The following BCAS3 variants were observed in gnomAD, a reference collection of about 807,000 sequenced individuals.
The protein encoded by BCAS3 is BCAS4/BCAS3 fusion.
BCAS3 carries 53 observed loss-of-function variants against 116.1 expected under a neutral mutation model. The observed-to-expected ratio is 0.46, with a 90% CI of 0.37 to 0.57. The LOEUF (loss-of-function observed/expected upper bound fraction) is 0.57. Ranked by LOEUF, BCAS3 falls within the 20% of genes least tolerant of loss-of-function variation. BCAS3 has a pLI of 0.00. For missense variants in BCAS3, 917 were observed against 1,165.4 expected (o/e 0.79, Z 3.10); for synonymous variants, 391 against 408.2 (o/e 0.96, Z 0.51).
At chr17:60,947,112 A>G (rs183554052) in intron 13 of BCAS3, 107 bp from the exon 14 acceptor site, 330 of 1,155,924 alleles carry the variant, frequency 2.9e-4, no homozygotes, top group Admixed American at 5.1e-4. Flanking sequence ...AGCCTTGGTA[A>G]TTTTTTTCCC....
At chr17:61,109,787 G>A (rs867514628) in intron 22 of BCAS3, among the ~76,000 whole-genome samples, 1 of 152,134 alleles carries the variant, frequency 6.6e-6, no homozygotes, top group Non-Finnish European at 1.5e-5. Flanking sequence ...TGATGTGATT[G>A]TTTGGGTTTG....
intron 22 of BCAS3, among the ~76,000 whole-genome samples, chr17:61,246,970 G>T (rs1032082595): frequency 6.6e-6 from 1 of 152,042 alleles, no homozygotes; most frequent in Non-Finnish European, 1.5e-5. Flanking sequence ...CTTTAGTACC[G>T]AAATTAACTT....
At position 61,347,910 on chromosome 17, in the gene BCAS3, T is replaced by C. The variant is rs888456726; in HGVS notation, c.2426-20417T>C. Reference sequence around the variant, plus strand: ...AAGGTGGGGTGTAGCGTTCAGAGTCTGGAAAGCTGCTAGAGGCCAGATGAT... The same window carrying C: ...AAGGTGGGGTGTAGCGTTCAGAGTCCGGAAAGCTGCTAGAGGCCAGATGAT... On this transcript the variant is annotated intron_variant, in intron 22 of 23. Coordinates refer to ENST00000407086, the MANE Select transcript of BCAS3 (RefSeq NM_017679.5). This position sits in a 1 kb window ranked among gnomAD's most constrained non-coding sequence, Gnocchi z 4.3. Among the ~76,000 whole-genome samples, 1 of 152,156 alleles carries C rather than the reference T, an allele frequency of 6.6e-6. No individual in the cohort carries two copies. The highest frequency in any genetic ancestry group is 2.4e-5 in the African/African-American group (1 of 41,438).
chr17:61,388,602 C>G lies in BCAS3; in HGVS notation c.2594-3375C>G. 1 of 1,531,194 alleles carries G rather than the reference C, an allele frequency of 6.5e-7. No homozygotes were observed. Among genetic ancestry groups the G allele is most frequent in the South Asian group, 1.2e-5 (1 of 83,092 alleles). The allele number at this position is 1,531,194 out of a possible 1,614,324, so 94.9% of individuals were successfully genotyped here. On this transcript the variant is annotated intron_variant, in intron 23 of 23. Transcript: ENST00000407086. The surrounding 1 kb of genome is among the most constrained non-coding windows in gnomAD (Gnocchi z 6.5). ...TCTTTTCCAAAAAGATTCCTCAATG[C>G]TTTTCTTTTCAAAAGGGAAAAAAAA... is the stretch of plus-strand genomic sequence containing the variant.
chr17:60,783,535 T>C (rs60679947), intron 6 of BCAS3, among the ~76,000 whole-genome samples: 6,755 of 152,272 alleles, frequency 0.044, 485 homozygotes, highest in African/African-American at 0.15. Context: ...TGGTAGACTA[T>C]GTCTGTGTGT....
At chr17:61,218,949 C>A (rs1391028298) in intron 22 of BCAS3, among the ~76,000 whole-genome samples, 3 of 152,174 alleles carry the variant, frequency 2.0e-5, no homozygotes, top group African/African-American at 7.2e-5. Context: ...ATCTGTGCTT[C>A]TAAAGTAATT....
At chr17:61,119,766 G>C (rs2075688325) in intron 22 of BCAS3, among the ~76,000 whole-genome samples, 1 of 151,908 alleles carries the variant, frequency 6.6e-6, no homozygotes, top group South Asian at 2.1e-4. Flanking sequence ...GAAAATTCAA[G>C]AGCATTATCT....
intron 6 of BCAS3, among the ~76,000 whole-genome samples, chr17:60,775,813 T>C (rs549997685): frequency 1.1e-3 from 170 of 152,276 alleles, no homozygotes; most frequent in African/African-American, 4.0e-3. Flanking sequence ...TATAAGTAAA[T>C]GAAAGTTTTT....
At chr17:61,335,450 C>G (rs564622702) in intron 22 of BCAS3, among the ~76,000 whole-genome samples, 1 of 152,210 alleles carries the variant, frequency 6.6e-6, no homozygotes, top group African/African-American at 2.4e-5. Context: ...GCAATGACGC[C>G]AAGATGCCCT....
intron 19 of BCAS3, among the ~76,000 whole-genome samples, chr17:61,060,230 C>T (rs2069849415): frequency 6.6e-6 from 1 of 151,788 alleles, no homozygotes; most frequent in South Asian, 2.1e-4. Context: ...AGGTTCACGC[C>T]ATTCTCCTGC....
intron 23 of BCAS3, among the ~76,000 whole-genome samples, chr17:61,369,530 C>G (rs1247698066): frequency 6.6e-6 from 1 of 152,246 alleles, no homozygotes; most frequent in Non-Finnish European, 1.5e-5. Flanking sequence ...CACAGTCCCA[C>G]TTCCCCGTGG....
At position 61,378,566 on chromosome 17, in the gene BCAS3, T is replaced by C. The variant is rs1012057990; in HGVS notation, c.2593+10072T>C. 1 of 152,246 alleles carries C rather than the reference T, an allele frequency of 6.6e-6. No homozygotes were observed. The highest frequency in any genetic ancestry group is 1.5e-5 in the Non-Finnish European group (1 of 68,068). The allele number at this position is 152,246 out of a possible 1,614,324, so 9.4% of individuals were successfully genotyped here. A position where few individuals can be genotyped will look rare whatever the true frequency, so the allele number is the denominator to read the frequency against. On this transcript the variant is annotated intron_variant, in intron 23 of 23. Transcript: ENST00000407086. This position sits in a 1 kb window ranked among gnomAD's most constrained non-coding sequence, Gnocchi z 5.8. ...TACTCCCACGAGTGTCTTGACCCACTACTGGTTCTTTGAACTGAGTCTGAA... is the reference window on the plus strand; with the variant it reads ...TACTCCCACGAGTGTCTTGACCCACCACTGGTTCTTTGAACTGAGTCTGAA...
intron 7 of BCAS3, among the ~76,000 whole-genome samples, chr17:60,865,158 A>G (rs2054488027): frequency 6.6e-6 from 1 of 152,174 alleles, no homozygotes; most frequent in Admixed American, 6.6e-5. Flanking sequence ...GCTTCAGTCA[A>G]CTTGCTTGAC....
intron 5 of BCAS3, among the ~76,000 whole-genome samples, chr17:60,734,534 A>G (rs2040777662): frequency 6.6e-6 from 1 of 152,196 alleles, no homozygotes. Flanking sequence ...GTCTACATTC[A>G]TTTTATTGCA....
At chr17:60,916,083 A>AT (rs1185591765) in intron 12 of BCAS3, among the ~76,000 whole-genome samples, 2 of 152,072 alleles carry the variant, frequency 1.3e-5, no homozygotes, top group African/African-American at 4.8e-5. Context: ...TGTTTCTAGC[A>AT]TTTTTCTATT....
intron 6 of BCAS3, among the ~76,000 whole-genome samples, chr17:60,780,904 A>G (rs1279321767): frequency 6.6e-6 from 1 of 152,166 alleles, no homozygotes; most frequent in Non-Finnish European, 1.5e-5. Flanking sequence ...ATGTACATAC[A>G]GATATTTAAA....
rs2082281232 is a variant in BCAS3 at position 61,224,623 on chromosome 17, T to A, written c.2425+140059T>A. Reference sequence around the variant, plus strand: ...CTGGAGTCAACTGGTTTGTTGGGATTTGCATCTTGCATCCACCACTTCTTA... The same window carrying A: ...CTGGAGTCAACTGGTTTGTTGGGATATGCATCTTGCATCCACCACTTCTTA... On this transcript the variant is annotated intron_variant, in intron 22 of 23. Coordinates refer to ENST00000407086, the MANE Select transcript of BCAS3 (RefSeq NM_017679.5). This position sits in a 1 kb window ranked among gnomAD's most constrained non-coding sequence, Gnocchi z 5.7. 6.6e-6 allele frequency among the ~76,000 whole-genome samples: 1 copy of A among 152,198 alleles called. No homozygotes were observed. The highest frequency in any genetic ancestry group is 2.1e-4 in the South Asian group (1 of 4,828).
intron 22 of BCAS3, among the ~76,000 whole-genome samples, chr17:61,317,223 C>G (rs2054821650): frequency 1.3e-5 from 2 of 152,160 alleles, no homozygotes; most frequent in Admixed American, 6.5e-5. Context: ...GACTCCTGCT[C>G]CACGTCTTCT....
At chr17:60,866,855 T>G (rs2144879523) in intron 7 of BCAS3, among the ~76,000 whole-genome samples, 1 of 152,264 alleles carries the variant, frequency 6.6e-6, no homozygotes, top group Non-Finnish European at 1.5e-5. Flanking sequence ...AACAAAGTTT[T>G]TGTTTTATTG....
Sources: gnomAD v4.1 joint callset for allele counts (sites outside exome capture counted in the v4.1 genomes callset) on GRCh38, gnomAD v4.1.1 for gene constraint, Gnocchi (gnomAD v3.1) non-coding constraint, MANE v1.5 for transcripts, NCBI Gene and HGNC (gene_info 2026-07-23, HGNC 2026-07-21) for gene names.